The following DEPTOR variants were observed in gnomAD, a reference collection of about 807,000 sequenced individuals.
The protein encoded by DEPTOR is DEP domain containing MTOR interacting protein.
In DEPTOR, 41 loss-of-function variants were observed where a neutral mutation model predicts 41.6. The observed-to-expected ratio is 0.98, with a 90% CI of 0.77 to 1.28. DEPTOR has a LOEUF of 1.28. DEPTOR is among the 50% of genes most tolerant of loss of function. DEPTOR has a pLI of 0.00. For missense variants in DEPTOR, 514 were observed against 527.9 expected (o/e 0.97, Z 0.26); for synonymous variants, 195 against 192.3 (o/e 1.01, Z -0.12).
chr8:119,971,074 C>CA (rs1278272068), intron 4 of DEPTOR, among the ~76,000 whole-genome samples: 1 of 151,836 alleles, frequency 6.6e-6, no homozygotes, highest in Non-Finnish European at 1.5e-5. Context: ...GCTAAAAATA[C>CA]AAAAAAACTT....
chr8:119,912,903 TG>T (rs1265448272), intron 1 of DEPTOR, among the ~76,000 whole-genome samples: 2 of 152,156 alleles, frequency 1.3e-5, no homozygotes, highest in Admixed American at 6.5e-5. Flanking sequence ...AATCTAGCTT[TG>T]TTTTTTTGTT....
chr8:119,968,888 G>C (rs1023581045), intron 4 of DEPTOR, among the ~76,000 whole-genome samples: 7 of 152,094 alleles, frequency 4.6e-5, no homozygotes, highest in African/African-American at 1.7e-4. Context: ...GCTGGGCATG[G>C]TGGCTCAGCG....
At chr8:119,913,465 C>G (rs1449644950) in intron 1 of DEPTOR, among the ~76,000 whole-genome samples, 1 of 152,168 alleles carries the variant, frequency 6.6e-6, no homozygotes, top group African/African-American at 2.4e-5. Context: ...GGGTGTATGG[C>G]ATTTTATGGC....
At chr8:120,014,978 A>G (rs191959642) in intron 8 of DEPTOR, among the ~76,000 whole-genome samples, 8 of 152,118 alleles carry the variant, frequency 5.3e-5, no homozygotes, top group Non-Finnish European at 1.0e-4. Context: ...CTTATTTTAC[A>G]TGATCCTCTA....
At chr8:119,879,783 G>A (rs1009390243) in intron 1 of DEPTOR, among the ~76,000 whole-genome samples, 8 of 151,914 alleles carry the variant, frequency 5.3e-5, no homozygotes, top group Non-Finnish European at 1.0e-4. Context: ...GCCGAGGTGG[G>A]TGGATCACCT....
intron 1 of DEPTOR, among the ~76,000 whole-genome samples, chr8:119,890,040 C>T (rs1008560023): frequency 1.3e-5 from 2 of 152,152 alleles, no homozygotes; most frequent in African/African-American, 4.8e-5. Flanking sequence ...TCTTGGCTCA[C>T]TGGAACATCT....
chr8:119,965,437 C>A, intron 4 of DEPTOR, 27 bp downstream of exon 4: 1 of 1,599,452 alleles, frequency 6.3e-7, no homozygotes, highest in East Asian at 2.2e-5. Context: ...GCTTTTGCTG[C>A]AGGAACAAAC....
intron 8 of DEPTOR, among the ~76,000 whole-genome samples, chr8:120,016,931 G>A (rs1812621189): frequency 6.6e-6 from 1 of 152,042 alleles, no homozygotes; most frequent in Non-Finnish European, 1.5e-5. Flanking sequence ...TGAATTCTGG[G>A]AATACTCAAA....
intron 4 of DEPTOR, among the ~76,000 whole-genome samples, chr8:119,978,531 G>T (rs940596265): frequency 2.6e-5 from 4 of 152,130 alleles, no homozygotes; most frequent in Admixed American, 2.0e-4. Context: ...GAGACAAGGG[G>T]ACCAAAAGTT....
intron 8 of DEPTOR, among the ~76,000 whole-genome samples, chr8:120,031,442 G>C (rs2130172440): frequency 6.6e-6 from 1 of 152,196 alleles, no homozygotes; most frequent in South Asian, 2.1e-4. Flanking sequence ...TCCAGCCTGG[G>C]TGACAGAGTA....
chr8:120,000,825 C>T (rs905761222), intron 4 of DEPTOR, among the ~76,000 whole-genome samples: 1 of 151,676 alleles, frequency 6.6e-6, no homozygotes, highest in Non-Finnish European at 1.5e-5. Flanking sequence ...CACCTGTAAT[C>T]CCAGCACTTT....
chr8:120,006,455 C>T (rs1400871149), intron 6 of DEPTOR, among the ~76,000 whole-genome samples: 3 of 151,362 alleles, frequency 2.0e-5, no homozygotes, highest in African/African-American at 4.9e-5. Flanking sequence ...ACCCAGGAGG[C>T]GGAGGTTGCA....
chr8:120,045,210 G>A (rs1563601982), intron 8 of DEPTOR, among the ~76,000 whole-genome samples: 2 of 152,188 alleles, frequency 1.3e-5, no homozygotes, highest in East Asian at 3.9e-4. Flanking sequence ...GAACGCAAGG[G>A]AGTGAGACTG....
intron 1 of DEPTOR, among the ~76,000 whole-genome samples, chr8:119,888,075 C>T (rs1399057170): frequency 6.6e-6 from 1 of 152,150 alleles, no homozygotes; most frequent in Non-Finnish European, 1.5e-5. Context: ...CCCACCTTGG[C>T]TTCCCAAAAT....
chr8:119,915,406 T>C (rs186859102), intron 1 of DEPTOR, among the ~76,000 whole-genome samples: 232 of 152,366 alleles, frequency 1.5e-3, no homozygotes, highest in African/African-American at 5.3e-3. Context: ...GGCAATGCAG[T>C]GTCTTTCTCA....
intron 3 of DEPTOR, among the ~76,000 whole-genome samples, chr8:119,955,592 A>T (rs902474151): frequency 4.0e-5 from 6 of 151,580 alleles, no homozygotes; most frequent in Non-Finnish European, 7.4e-5. Flanking sequence ...TCAGCCTCCC[A>T]AGTAGCTGGG....
rs188081582 is a variant in DEPTOR at position 119,914,481 on chromosome 8, C to G, written c.123-13919C>G. Among the ~76,000 whole-genome samples, 386 of 152,054 alleles carry G rather than the reference C, an allele frequency of 2.5e-3. 1 individual carries two copies. The highest frequency in any genetic ancestry group is 8.6e-3 in the African/African-American group (358 of 41,486). The stretch of plus-strand genomic sequence containing the variant: ...TTGAGATGAAGTTTCACTCTGTTGC[C>G]CAGGCTGGAGTGCAGTGGCACGATC... On this transcript the variant is annotated intron_variant, in intron 1 of 8. Transcript: ENST00000286234.
At chr8:119,989,032 C>A (rs1474495192) in intron 4 of DEPTOR, among the ~76,000 whole-genome samples, 1 of 141,246 alleles carries the variant, frequency 7.1e-6, no homozygotes, top group Non-Finnish European at 1.5e-5. Flanking sequence ...AACTCCTGAG[C>A]TCAAGTAATC....
Position 119,873,734 on chromosome 8 carries a change from G to T in DEPTOR, c.-113G>T. 6.9e-7 allele frequency: 1 copy of T among 1,450,772 alleles called. No homozygotes were observed. Among genetic ancestry groups the T allele is most frequent in the South Asian group, 1.3e-5 (1 of 74,878 alleles). The allele number at this position is 1,450,772 out of a possible 1,614,324, so 89.9% of individuals were successfully genotyped here. A position where few individuals can be genotyped will look rare whatever the true frequency, so the allele number is the denominator to read the frequency against. On this transcript the variant is annotated 5_prime_UTR_variant, in exon 1 of 9. Coordinates refer to ENST00000286234, the MANE Select transcript of DEPTOR (RefSeq NM_022783.4). The stretch of plus-strand genomic sequence containing the variant: ...CTCCAGCCAATCCAGTCAGAGCAGC[G>T]GAGCTGCCCCGAACAAAGATGGCGC...
Sources: gnomAD v4.1 joint callset for allele counts (sites outside exome capture counted in the v4.1 genomes callset) on GRCh38, gnomAD v4.1.1 for gene constraint, MANE v1.5 for transcripts, NCBI Gene and HGNC (gene_info 2026-07-23, HGNC 2026-07-21) for gene names.